Variants in CCDC148 observed in about 807,000 individuals in gnomAD.
The protein encoded by CCDC148 is coiled-coil domain-containing protein 148.
A neutral mutation model predicts 85.7 loss-of-function variants in CCDC148; 89 were observed. That is an observed-to-expected ratio of 1.04 (90% CI 0.87 to 1.24). CCDC148 has a LOEUF of 1.24. CCDC148 is among the 50% of genes most tolerant of loss of function. The pLI is 0.00. For missense variants in CCDC148, 692 were observed against 671.7 expected (o/e 1.03, Z -0.33); for synonymous variants, 230 against 213.9 (o/e 1.08, Z -0.66).
chr2:158,204,820 C>T (rs1686154065), intron 11 of CCDC148, among the ~76,000 whole-genome samples: 1 of 152,152 alleles, frequency 6.6e-6, no homozygotes. Context: ...CTGAGGAAGT[C>T]ACATTTGTGC....
intron 9 of CCDC148, among the ~76,000 whole-genome samples, chr2:158,304,390 G>C (rs1261116619): frequency 6.6e-6 from 1 of 152,106 alleles, no homozygotes; most frequent in Non-Finnish European, 1.5e-5. Context: ...GGCTTTCCAG[G>C]AAAGATGCTC....
intron 11 of CCDC148, among the ~76,000 whole-genome samples, chr2:158,199,594 T>G (rs1246950685): frequency 6.6e-6 from 1 of 152,178 alleles, no homozygotes; most frequent in Non-Finnish European, 1.5e-5. Context: ...ATTTAAATTA[T>G]TTTTCTATAA....
chr2:158,358,943 A>G (rs967519411), intron 1 of CCDC148, among the ~76,000 whole-genome samples: 1 of 152,172 alleles, frequency 6.6e-6, no homozygotes, highest in Non-Finnish European at 1.5e-5. Flanking sequence ...TAAGTATCAC[A>G]TCATTATAAA....
rs189472121 is a variant in CCDC148 at position 158,213,602 on chromosome 2, T to C, written c.1370+6993A>G. On this transcript the variant is annotated intron_variant, in intron 11 of 13. Transcript: ENST00000283233. Reference sequence around the variant, plus strand: ...AGAAAGGCCCCTGTGCTTGGAAGAATGGTCTAATTTCTGCTTGCATGCTCT... The same window carrying C: ...AGAAAGGCCCCTGTGCTTGGAAGAACGGTCTAATTTCTGCTTGCATGCTCT... 1.8e-3 allele frequency among the ~76,000 whole-genome samples: 281 copies of C among 152,276 alleles called. 1 individual carries two copies. The highest frequency in any genetic ancestry group is 3.2e-3 in the Non-Finnish European group (219 of 68,006).
Position 158,338,748 on chromosome 2 carries a change from G to A in CCDC148, c.742C>T (p.Leu248=). ...KYQKKLQDFN[L]QLEDIYRNCQ... is the part of the protein sequence containing the mutation. Reference sequence around the variant, plus strand: ...CACCTGTATATGTCTTCCAACTGCAGATTAAAGTCTTGAAGCTTCTTCTGA... The same window carrying A: ...CACCTGTATATGTCTTCCAACTGCAAATTAAAGTCTTGAAGCTTCTTCTGA... Residue 248 remains leucine (L), a synonymous_variant, in exon 7 of 14, where the codon CTG becomes TTG. Transcript: ENST00000283233. The A allele has an allele frequency of 1.2e-6, 2 of 1,607,960 alleles. No homozygotes were observed. The highest frequency in any genetic ancestry group is 1.7e-6 in the Non-Finnish European group (2 of 1,178,530).
At position 158,446,350 on chromosome 2, in the gene CCDC148, C is replaced by CAA. The variant is rs200274224; in HGVS notation, c.25+10063_25+10064dup. ...TATCTGACAGGGCAAGAACTTGTCT[C>CAA]AAAAAAAAAAAGAATCAATTCCATC... On this transcript the variant is annotated intron_variant, in intron 1 of 13. Transcript: ENST00000283233. Among the ~76,000 whole-genome samples, 113 of 146,170 alleles carry CAA rather than the reference C, an allele frequency of 7.7e-4. 1 individual carries two copies. The highest frequency in any genetic ancestry group is 2.2e-3 in the East Asian group (11 of 4,950).
Position 158,309,472 on chromosome 2 carries a change from C to G in CCDC148, c.1071G>C (p.Lys357Asn), listed in dbSNP as rs1691864016. ...CAGCACACAATTCCTGTTGCTTTTT[C>G]TTGTCCTTAGCCAACATGCTCTCCA... ...HEMESMLAKDKKKQQELCADL... is the reference protein window; with the variant it reads ...HEMESMLAKDNKKQQELCADL... The change falls in exon 9 of 14, where the codon AAG becomes AAC. Residue 357 changes from lysine (K) to asparagine (N), a missense_variant. Physicochemically the swap from Lys to Asn is moderately conservative, Grantham distance 94 (BLOSUM62 0). Coordinates refer to ENST00000283233, the MANE Select transcript of CCDC148 (RefSeq NM_138803.4). 5 of 1,614,116 alleles carry G rather than the reference C, an allele frequency of 3.1e-6. No individual in the cohort carries two copies. The highest frequency in any genetic ancestry group is 4.2e-6 in the Non-Finnish European group (5 of 1,180,000).
At chr2:158,263,056 T>C (rs1689300305) in intron 9 of CCDC148, among the ~76,000 whole-genome samples, 1 of 152,050 alleles carries the variant, frequency 6.6e-6, no homozygotes, top group Admixed American at 6.6e-5. Context: ...CCTATCCCCT[T>C]GCCCTCTCTG....
chr2:158,293,495 G>T (rs1349153602), intron 9 of CCDC148, among the ~76,000 whole-genome samples: 5 of 152,152 alleles, frequency 3.3e-5, no homozygotes. Flanking sequence ...CAGGTAGGGA[G>T]GATAAAGAGA....
At chr2:158,179,630 A>G (rs1254342795) in intron 11 of CCDC148, among the ~76,000 whole-genome samples, 3 of 152,148 alleles carry the variant, frequency 2.0e-5, no homozygotes, top group African/African-American at 7.2e-5. Flanking sequence ...TCCCAATGAG[A>G]AGCTTTAGCA....
intron 1 of CCDC148, among the ~76,000 whole-genome samples, chr2:158,385,020 C>T (rs1334512036): frequency 6.6e-6 from 1 of 152,160 alleles, no homozygotes; most frequent in African/African-American, 2.4e-5. Flanking sequence ...AAGGTCCCCC[C>T]ACTTCCTTGC....
chr2:158,400,942 AT>A (rs1261545743), intron 1 of CCDC148, among the ~76,000 whole-genome samples: 2 of 152,262 alleles, frequency 1.3e-5, no homozygotes, highest in Admixed American at 1.3e-4. Context: ...CAACAGACAT[AT>A]GAAAATATGC....
intron 1 of CCDC148, among the ~76,000 whole-genome samples, chr2:158,396,700 G>C (rs576677195): frequency 2.5e-4 from 38 of 152,126 alleles, no homozygotes; most frequent in African/African-American, 8.4e-4. Context: ...TCATTGGAAG[G>C]TTTAAATCAT....
chr2:158,260,770 C>T (rs894224469), intron 9 of CCDC148, among the ~76,000 whole-genome samples: 2 of 151,778 alleles, frequency 1.3e-5, no homozygotes, highest in African/African-American at 4.8e-5. Flanking sequence ...TCACAATTGT[C>T]ACAAAAAGAA....
At chr2:158,197,602 G>A (rs1574381953) in intron 11 of CCDC148, among the ~76,000 whole-genome samples, 1 of 152,140 alleles carries the variant, frequency 6.6e-6, no homozygotes, top group Non-Finnish European at 1.5e-5. Context: ...TTGCTGGAGA[G>A]CATAAGAGAG....
At chr2:158,236,352 T>G (rs12617346) in intron 10 of CCDC148, among the ~76,000 whole-genome samples, 3,242 of 152,256 alleles carry the variant, frequency 0.021, 57 homozygotes, top group East Asian at 0.094. Flanking sequence ...CCAGGTGGAT[T>G]AAAAAATAAC....
chr2:158,310,624 C>T (rs186274017), intron 8 of CCDC148, among the ~76,000 whole-genome samples: 75 of 150,368 alleles, frequency 5.0e-4, no homozygotes, highest in Admixed American at 7.3e-4. Flanking sequence ...CAGGTAGAGG[C>T]GCTCCTCAGT....
chr2:158,352,645 A>G (rs1016712233), intron 2 of CCDC148, among the ~76,000 whole-genome samples: 3 of 152,188 alleles, frequency 2.0e-5, no homozygotes, highest in Admixed American at 6.5e-5. Flanking sequence ...AAGTTGGAAA[A>G]CAGTCTTCAG....
chr2:158,399,141 A>G (rs1192031387), intron 1 of CCDC148, among the ~76,000 whole-genome samples: 1 of 152,218 alleles, frequency 6.6e-6, no homozygotes, highest in Non-Finnish European at 1.5e-5. Context: ...TTAATAGCCT[A>G]CCAACCAAAA....
Sources: allele counts gnomAD v4.1 joint callset (sites outside exome capture counted in the v4.1 genomes callset), GRCh38; gene constraint gnomAD v4.1.1; transcripts MANE v1.5; gene names NCBI Gene and HGNC (gene_info 2026-07-23, HGNC 2026-07-21).